BICD1: variants seen among roughly 807,000 people sequenced by gnomAD.
BICD1 encodes protein bicaudal D homolog 1.
A neutral mutation model predicts 92.5 loss-of-function variants in BICD1; 35 were observed. The observed-to-expected ratio is 0.38, with a 90% CI of 0.29 to 0.50. The LOEUF (loss-of-function observed/expected upper bound fraction) is 0.50. BICD1 is among the 20% of genes least tolerant of loss of function. The pLI is 0.93. For missense variants in BICD1, 950 were observed against 1,189.8 expected (o/e 0.80, Z 2.97); for synonymous variants, 429 against 465.1 (o/e 0.92, Z 1.00).
chr12:32,191,580 T>G (rs1944567216), intron 1 of BICD1, among the ~76,000 whole-genome samples: 1 of 147,564 alleles, frequency 6.8e-6, no homozygotes, highest in South Asian at 2.1e-4. Flanking sequence ...ATATATAATA[T>G]TATGTATATA....
chr12:32,225,369 C>CATGAGTT (rs1945647166), intron 2 of BICD1, among the ~76,000 whole-genome samples: 1 of 152,140 alleles, frequency 6.6e-6, no homozygotes, highest in Non-Finnish European at 1.5e-5. Context: ...TACTGAAGAA[C>CATGAGTT]ATGAGTTATT....
At chr12:32,281,223 A>T (rs1410012344) in intron 2 of BICD1, among the ~76,000 whole-genome samples, 1 of 152,006 alleles carries the variant, frequency 6.6e-6, no homozygotes, top group Non-Finnish European at 1.5e-5. Context: ...TTCTTCCCGA[A>T]CATGTTTGTT....
chr12:32,273,410 G>A (rs552528937), intron 2 of BICD1, among the ~76,000 whole-genome samples: 2 of 152,260 alleles, frequency 1.3e-5, no homozygotes, highest in African/African-American at 4.8e-5. Context: ...AGACACAGAG[G>A]GGGCTGAGAC....
At chr12:32,371,188 C>T (rs1489159281) in intron 9 of BICD1, among the ~76,000 whole-genome samples, 5 of 152,174 alleles carry the variant, frequency 3.3e-5, no homozygotes, top group African/African-American at 1.2e-4. Context: ...ACATTTCCAG[C>T]TTCTCAAATG....
intron 1 of BICD1, among the ~76,000 whole-genome samples, chr12:32,163,883 G>A (rs369332163): frequency 1.3e-5 from 2 of 152,200 alleles, no homozygotes; most frequent in East Asian, 3.8e-4. Flanking sequence ...CATTTCACAT[G>A]TGTAAGAGAT....
intron 1 of BICD1, among the ~76,000 whole-genome samples, chr12:32,135,929 G>A (rs1942722477): frequency 1.3e-5 from 2 of 152,020 alleles, no homozygotes; most frequent in South Asian, 4.2e-4. Context: ...GAGGATGATA[G>A]CGCAGGACTT....
Position 32,216,423 on chromosome 12 carries a change from CGA to C in BICD1, c.394_395del (p.Arg132AlafsTer13). On this transcript the variant is annotated frameshift_variant, in exon 2 of 10. Transcript: ENST00000652176. LOFTEE classifies it high-confidence loss of function. ...AVVTNVQAEN[E>X]RLTAVVQDLK... is the part of the protein sequence containing the mutation. ...TGGTCACTAATGTACAGGCAGAAAA[CGA>C]GAGGCTCACCGCAGTCGTGCAGGAT... 1 of 1,614,050 alleles carries C rather than the reference CGA, an allele frequency of 6.2e-7. No homozygotes were observed.
At position 32,287,531 on chromosome 12, in the gene BICD1, G is replaced by GTT. The variant is rs576396740; in HGVS notation, c.427-6453_427-6452dup. On this transcript the variant is annotated intron_variant, in intron 2 of 9. Transcript: ENST00000652176. ...TTTGGGCTGTGCTCAGCTGGGTGGTGTTTTTTTTTTTGTTTTTTTTTTTGA... is the reference window on the plus strand; with the variant it reads ...TTTGGGCTGTGCTCAGCTGGGTGGTGTTTTTTTTTTTTTGTTTTTTTTTTTGA... Among the ~76,000 whole-genome samples the GTT allele has an allele frequency of 8.0e-3, 959 of 119,970 alleles. 28 individuals are homozygous for GTT. The highest frequency in any genetic ancestry group is 0.02 in the African/African-American group (741 of 36,492). 78.7% of individuals were successfully genotyped at this position (119,970 alleles called of 152,430 possible).
chr12:32,271,617 T>A (rs936500269), intron 2 of BICD1, among the ~76,000 whole-genome samples: 4 of 152,148 alleles, frequency 2.6e-5, no homozygotes, highest in Admixed American at 2.6e-4. Context: ...TAACCTTGTG[T>A]GGAAAATGCT....
intron 1 of BICD1, among the ~76,000 whole-genome samples, chr12:32,154,873 T>C (rs1433496977): frequency 6.6e-6 from 1 of 152,198 alleles, no homozygotes; most frequent in Non-Finnish European, 1.5e-5. Flanking sequence ...TATTGATGGG[T>C]TGTCGATAAA....
At chr12:32,116,508 C>CTA (rs772917101) in intron 1 of BICD1, among the ~76,000 whole-genome samples, 4 of 94,218 alleles carry the variant, frequency 4.2e-5, no homozygotes, top group African/African-American at 1.3e-4. Flanking sequence ...CTCTCTCTCT[C>CTA]TCTATATATA....
At position 32,107,085 on chromosome 12, in the gene BICD1, G is replaced by A. The variant is rs1047325485; in HGVS notation, c.-247G>A. 1 of 500,654 alleles carries A rather than the reference G, an allele frequency of 2.0e-6. No individual in the cohort carries two copies. The highest frequency in any genetic ancestry group is 3.6e-6 in the Non-Finnish European group (1 of 278,248). The allele number at this position is 500,654 out of a possible 1,614,324, so 31.0% of individuals were successfully genotyped here. A position where few individuals can be genotyped will look rare whatever the true frequency, so the allele number is the denominator to read the frequency against. ...AGGGGCCGGCCCCGAGGACACATGC[G>A]GCGGCCTTTGCCGCCTCGCCCCTGA... On this transcript the variant is annotated 5_prime_UTR_variant, in exon 1 of 10. Transcript: ENST00000652176.
intron 1 of BICD1, among the ~76,000 whole-genome samples, chr12:32,132,443 T>A (rs1191484620): frequency 2.0e-5 from 3 of 147,188 alleles, no homozygotes; most frequent in African/African-American, 7.5e-5. Context: ...GATCTTGAGA[T>A]GAGAATGAAC....
At chr12:32,374,250 C>CAT (rs1275346948) in intron 9 of BICD1, among the ~76,000 whole-genome samples, 3 of 151,800 alleles carry the variant, frequency 2.0e-5, no homozygotes, top group African/African-American at 7.3e-5. Flanking sequence ...AAAAAAAAGC[C>CAT]ATATCTTTCT....
intron 1 of BICD1, among the ~76,000 whole-genome samples, chr12:32,135,056 A>AGTCCCCTCCCCTCCCC: frequency 5.8e-5 from 2 of 34,714 alleles, no homozygotes; most frequent in Admixed American, 3.0e-4. Flanking sequence ...CCTCCCCTCC[A>AGTCCCCTCCCCTCCCC]TTCCCCTCCC....
At position 32,337,351 on chromosome 12, in the gene BICD1, A is replaced by G; in HGVS notation, c.2253-148A>G. On this transcript the variant is annotated intron_variant, in intron 6 of 9. Transcript: ENST00000652176. This position sits in a 1 kb window ranked among gnomAD's most constrained non-coding sequence, Gnocchi z 4.7. ...TGAACATATATTCCAGTTTTCTGCT[A>G]TTGTGGGTTATCTACATTCTATTGC... The G allele has an allele frequency of 6.2e-6, 4 of 645,994 alleles. No individual in the cohort carries two copies. The highest frequency in any genetic ancestry group is 5.5e-5 in the African/African-American group (3 of 54,804). The allele number at this position is 645,994 out of a possible 1,614,324, so 40.0% of individuals were successfully genotyped here.
chr12:32,305,272 AT>A (rs1342395633), intron 3 of BICD1, among the ~76,000 whole-genome samples: 1 of 152,146 alleles, frequency 6.6e-6, no homozygotes, highest in Non-Finnish European at 1.5e-5. Flanking sequence ...TGATGATACA[AT>A]CTTTTCTTAG....
At chr12:32,354,010 T>C (rs944219306) in intron 8 of BICD1, 14 of 152,244 alleles carry the variant, frequency 9.2e-5, no homozygotes, top group African/African-American at 3.1e-4. Flanking sequence ...ATGTCTTTCC[T>C]ACCATAAGCT....
intron 1 of BICD1, among the ~76,000 whole-genome samples, chr12:32,205,141 T>C (rs1945011102): frequency 6.6e-6 from 1 of 152,208 alleles, no homozygotes; most frequent in African/African-American, 2.4e-5. Flanking sequence ...AAACAGCTAC[T>C]GCATTGTTAG....
Sources: allele counts gnomAD v4.1 joint callset (sites outside exome capture counted in the v4.1 genomes callset), GRCh38; gene constraint gnomAD v4.1.1; non-coding constraint Gnocchi (gnomAD v3.1); transcripts MANE v1.5; gene names NCBI Gene and HGNC (gene_info 2026-07-23, HGNC 2026-07-21).